The following RFX4 variants were observed in gnomAD, a reference collection of about 807,000 sequenced individuals.
RFX4 encodes transcription factor RFX4.
In RFX4, 10 loss-of-function variants were observed where a neutral mutation model predicts 95.0. That is an observed-to-expected ratio of 0.11 (90% CI 0.06 to 0.18). RFX4 has a LOEUF of 0.18. Ranked by LOEUF, RFX4 falls within the 10% of genes least tolerant of loss-of-function variation. The pLI, the probability that RFX4 is intolerant of heterozygous loss-of-function variation, is 1.00. For missense variants in RFX4, 640 were observed against 922.0 expected (o/e 0.69, Z 3.96); for synonymous variants, 321 against 340.7 (o/e 0.94, Z 0.64).
At chr12:106,636,882 G>A (rs2040525547) in intron 2 of RFX4, among the ~76,000 whole-genome samples, 1 of 152,134 alleles carries the variant, frequency 6.6e-6, no homozygotes, top group South Asian at 2.1e-4. Flanking sequence ...CTTCCTAGGT[G>A]TTGACTTTGT....
chr12:106,617,187 C>T (rs2040089107), intron 2 of RFX4, among the ~76,000 whole-genome samples: 1 of 152,092 alleles, frequency 6.6e-6, no homozygotes, highest in Non-Finnish European at 1.5e-5. Context: ...TTAGTCTTTT[C>T]AAAGGTCCAA....
At chr12:106,715,180 T>C in intron 10 of RFX4, 2 of 514,874 alleles carry the variant, frequency 3.9e-6, no homozygotes, top group South Asian at 2.8e-5. Flanking sequence ...CAGTTTCTTG[T>C]AGAGAAAAAG....
At chr12:106,606,333 C>T (rs902589097) in intron 1 of RFX4, among the ~76,000 whole-genome samples, 2 of 152,042 alleles carry the variant, frequency 1.3e-5, no homozygotes, top group African/African-American at 4.8e-5. Context: ...TGGCCCAGAA[C>T]TATAGATATT....
intron 17 of RFX4, among the ~76,000 whole-genome samples, chr12:106,752,325 G>C (rs1049726389): frequency 6.6e-6 from 1 of 152,072 alleles, no homozygotes; most frequent in Non-Finnish European, 1.5e-5. Flanking sequence ...GTACCATGCT[G>C]TTTTGGTTAC....
chr12:106,638,546 T>G (rs980479726), intron 2 of RFX4, among the ~76,000 whole-genome samples: 4 of 152,156 alleles, frequency 2.6e-5, no homozygotes, highest in African/African-American at 9.7e-5. Flanking sequence ...AAAGAACAAA[T>G]GGTGAATAGC....
In RFX4 at chr12:106,696,427, C is replaced by T. The variant is rs2041881401; in HGVS notation, c.814C>T (p.Leu272=). The part of the protein sequence containing the change: ...AISGVLMPTV[L]QALPDSLTQV... ...CTCCGGGGTGCTGATGCCCACTGTGCTGCAGGCATTACCTGACAGGTGGGC... is the reference window on the plus strand; with the variant it reads ...CTCCGGGGTGCTGATGCCCACTGTGTTGCAGGCATTACCTGACAGGTGGGC... Residue 272 remains leucine, a synonymous_variant, in exon 8 of 18, where the codon CTG becomes TTG. Coordinates refer to ENST00000392842, the MANE Select transcript of RFX4 (RefSeq NM_213594.3). 1 of 1,614,174 alleles carries T rather than the reference C, an allele frequency of 6.2e-7. No homozygotes were observed. The highest frequency in any genetic ancestry group is 2.2e-5 in the East Asian group (1 of 44,890).
chr12:106,620,688 C>G (rs1217351026), intron 2 of RFX4, among the ~76,000 whole-genome samples: 1 of 152,026 alleles, frequency 6.6e-6, no homozygotes, highest in Non-Finnish European at 1.5e-5. Flanking sequence ...GGATCGAGAG[C>G]AGAGAACCGA....
Position 106,678,863 on chromosome 12 carries a change from A to G in RFX4, c.316-3130A>G, listed in dbSNP as rs762760347. 2.0e-5 allele frequency among the ~76,000 whole-genome samples: 3 copies of G among 152,160 alleles called. No individual in the cohort carries two copies. In the South Asian group the frequency reaches 6.2e-4, roughly 32 times the overall value. On this transcript the variant is annotated intron_variant, in intron 4 of 17. Coordinates refer to ENST00000392842, the MANE Select transcript of RFX4 (RefSeq NM_213594.3). ...CTATTTCATAATTTCTACCGTGTGT[A>G]TATATACTATCATGTTTTTAGACAG...
At chr12:106,672,345 C>T (rs2041299461) in intron 4 of RFX4, among the ~76,000 whole-genome samples, 1 of 152,054 alleles carries the variant, frequency 6.6e-6, no homozygotes, top group South Asian at 2.1e-4. Context: ...CCTATCCCTG[C>T]GGAGCCCCCA....
chr12:106,655,426 G>A (rs1335820473), intron 4 of RFX4, among the ~76,000 whole-genome samples: 1 of 152,190 alleles, frequency 6.6e-6, no homozygotes, highest in Non-Finnish European at 1.5e-5. Flanking sequence ...TATTGGTAGA[G>A]ACTGGCTGTG....
At chr12:106,615,403 G>A (rs1270721391) in intron 2 of RFX4, among the ~76,000 whole-genome samples, 6 of 152,116 alleles carry the variant, frequency 3.9e-5, no homozygotes, top group Non-Finnish European at 8.8e-5. Context: ...GTGATATCTG[G>A]TAGCATAAGA....
chr12:106,682,177 G>C (rs2041528462), intron 5 of RFX4, 123 bp downstream of exon 5: 7 of 952,530 alleles, frequency 7.3e-6, no homozygotes, highest in Non-Finnish European at 1.1e-5. Flanking sequence ...TGCCTAGAGG[G>C]AATATGGAAG....
chr12:106,725,545 C>A (rs1380016700), intron 13 of RFX4, among the ~76,000 whole-genome samples: 1 of 151,998 alleles, frequency 6.6e-6, no homozygotes, highest in Non-Finnish European at 1.5e-5. Context: ...ATGTCTTTGT[C>A]TTTTTTAGGA....
intron 4 of RFX4, among the ~76,000 whole-genome samples, chr12:106,655,127 A>G (rs959939065): frequency 2.0e-5 from 3 of 152,170 alleles, no homozygotes; most frequent in South Asian, 2.1e-4. Context: ...AGGTCAGTGT[A>G]TGAGTTTCAG....
chr12:106,631,795 G>A (rs1178367981), intron 2 of RFX4, among the ~76,000 whole-genome samples: 2 of 152,174 alleles, frequency 1.3e-5, no homozygotes, highest in Non-Finnish European at 1.5e-5. Context: ...CATGGGCAGC[G>A]ACCACACTCT....
At chr12:106,695,663 A>T (rs900120578) in intron 7 of RFX4, among the ~76,000 whole-genome samples, 1 of 152,194 alleles carries the variant, frequency 6.6e-6, no homozygotes, top group East Asian at 1.9e-4. Context: ...CTTACCACTC[A>T]GGTATCACCA....
intron 2 of RFX4, among the ~76,000 whole-genome samples, chr12:106,615,219 G>A (rs554617364): frequency 1.3e-5 from 2 of 151,994 alleles, no homozygotes; most frequent in African/African-American, 4.8e-5. Flanking sequence ...GATAGAGCAC[G>A]ATTTCTTGAA....
intron 15 of RFX4, among the ~76,000 whole-genome samples, chr12:106,733,947 A>G (rs2042660504): frequency 6.6e-6 from 1 of 152,246 alleles, no homozygotes; most frequent in South Asian, 2.1e-4. Flanking sequence ...TGGATGATGG[A>G]TAAAGAAAAT....
chr12:106,719,622 T>G (rs1346248851), intron 11 of RFX4, among the ~76,000 whole-genome samples: 1 of 152,040 alleles, frequency 6.6e-6, no homozygotes, highest in Non-Finnish European at 1.5e-5. Flanking sequence ...TTAAAGGGAT[T>G]TCATACCAGG....
Sources: gnomAD v4.1 joint callset for allele counts (sites outside exome capture counted in the v4.1 genomes callset) on GRCh38, gnomAD v4.1.1 for gene constraint, MANE v1.5 for transcripts, NCBI Gene and HGNC (gene_info 2026-07-23, HGNC 2026-07-21) for gene names.